Variants in SVIL observed in about 807,000 individuals in gnomAD.
SVIL encodes the protein supervillin, also known as archvillin.
A neutral mutation model predicts 240.4 loss-of-function variants in SVIL; 101 were observed. The ratio of observed to expected loss-of-function variants is 0.42; its 90% confidence interval spans 0.36 to 0.50. SVIL has a LOEUF of 0.50. Among genes scored for constraint, SVIL ranks in the 20% least tolerant of loss-of-function variants. The pLI is 0.01. For synonymous variants in SVIL, 999 were observed against 1,100.0 expected (o/e 0.91, Z 1.82); for missense variants, 2,512 against 2,818.7 (o/e 0.89, Z 2.46).
intron 3 of SVIL, among the ~76,000 whole-genome samples, chr10:29,648,878 C>T (rs537551473): frequency 6.6e-6 from 1 of 152,016 alleles, no homozygotes; most frequent in East Asian, 1.9e-4. Flanking sequence ...AGGCTCATGC[C>T]TATATTCCAA....
chr10:29,577,540 T>C (rs1955755412), intron 1 of SVIL, among the ~76,000 whole-genome samples: 5 of 152,262 alleles, frequency 3.3e-5, no homozygotes, highest in South Asian at 2.1e-4. Flanking sequence ...CTGAGAAGTA[T>C]TCCACAGTGT....
intron 16 of SVIL, among the ~76,000 whole-genome samples, chr10:29,516,542 C>T (rs61849345): frequency 0.072 from 10,936 of 152,234 alleles, 448 homozygotes; most frequent in South Asian, 0.11. Context: ...CTGAGAGGGT[C>T]GAGGAGCCGA....
intron 1 of SVIL, among the ~76,000 whole-genome samples, chr10:29,717,939 G>A (rs1006245995): frequency 9.2e-5 from 14 of 151,984 alleles, no homozygotes; most frequent in African/African-American, 3.4e-4. Flanking sequence ...TAAAATTTAA[G>A]AAAAAATGTC....
At chr10:29,718,650 A>C (rs1295555595) in intron 1 of SVIL, among the ~76,000 whole-genome samples, 2 of 151,842 alleles carry the variant, frequency 1.3e-5, no homozygotes, top group African/African-American at 2.4e-5. Context: ...CCAAGTACCA[A>C]ATAGGAGAGA....
intron 17 of SVIL, among the ~76,000 whole-genome samples, chr10:29,506,343 T>C (rs577692783): frequency 7.9e-5 from 12 of 152,172 alleles, no homozygotes; most frequent in African/African-American, 2.9e-4. Context: ...GGGCCTGGGC[T>C]CTTACAACCA....
chr10:29,564,828 C>T (rs1381095763), intron 2 of SVIL, among the ~76,000 whole-genome samples: 1 of 152,178 alleles, frequency 6.6e-6, no homozygotes, highest in Non-Finnish European at 1.5e-5. Context: ...TCCAGATTGG[C>T]TGGAAGAGCC....
At chr10:29,681,309 G>A (rs1960623701) in intron 2 of SVIL, among the ~76,000 whole-genome samples, 1 of 151,992 alleles carries the variant, frequency 6.6e-6, no homozygotes, top group Non-Finnish European at 1.5e-5. Flanking sequence ...TACACAGAAT[G>A]ACAGCCCAGG....
upstream of SVIL, among the ~76,000 whole-genome samples, chr10:29,636,518 C>T (rs74131917): frequency 0.012 from 1,832 of 152,320 alleles, 35 homozygotes; most frequent in African/African-American, 0.042. Context: ...TAGATTAATA[C>T]ACTGGAGTCT....
At chr10:29,471,777 G>A (rs1251519580) in intron 30 of SVIL, among the ~76,000 whole-genome samples, 1 of 152,206 alleles carries the variant, frequency 6.6e-6, no homozygotes, top group East Asian at 1.9e-4. Context: ...TTAGGTTTGA[G>A]TCACCTCCCT....
chr10:29,705,338 C>T (rs1962812515), intron 1 of SVIL, among the ~76,000 whole-genome samples: 1 of 152,016 alleles, frequency 6.6e-6, no homozygotes, highest in African/African-American at 2.4e-5. Flanking sequence ...CCTGACACGG[C>T]AAAGATTCTG....
At position 29,711,982 on chromosome 10, in the gene SVIL, C is replaced by T. The variant is rs542954078; in HGVS notation, c.-400+23769G>A. On this transcript the variant is annotated intron_variant, in intron 1 of 35. Transcript: ENST00000375400. The stretch of plus-strand genomic sequence containing the variant: ...ATGGCCCCTGCGCAAGGATGACATG[C>T]AAATTCATGACGTGTTCAATATTTT... The T allele has an allele frequency of 1.5e-4, 22 of 151,656 alleles. No homozygotes were observed. In the East Asian group the frequency reaches 4.1e-3, roughly 28 times the overall value. 9.4% of individuals were successfully genotyped at this position (151,656 alleles called of 1,614,324 possible). A position where few individuals can be genotyped will look rare whatever the true frequency, so the allele number is the denominator to read the frequency against.
chr10:29,538,490 G>C (rs893170833), intron 6 of SVIL, among the ~76,000 whole-genome samples: 2 of 152,232 alleles, frequency 1.3e-5, no homozygotes. Context: ...GGAAGTGATA[G>C]GCATTCAGGA....
At chr10:29,504,928 CT>C (rs1168421164) in intron 17 of SVIL, among the ~76,000 whole-genome samples, 4 of 152,222 alleles carry the variant, frequency 2.6e-5, no homozygotes, top group Non-Finnish European at 5.9e-5. Context: ...ATTGCCAAGA[CT>C]TGGAAGCAAC....
At chr10:29,505,270 G>A (rs1169400008) in intron 17 of SVIL, among the ~76,000 whole-genome samples, 3 of 152,078 alleles carry the variant, frequency 2.0e-5, no homozygotes, top group Admixed American at 6.5e-5. Context: ...AGGTTGCGGT[G>A]AGCTAAGATT....
chr10:29,481,558 G>A (rs770507677), intron 28 of SVIL, 26 bp downstream of exon 28: 8 of 1,612,346 alleles, frequency 5.0e-6, no homozygotes, highest in Non-Finnish European at 6.8e-6. Flanking sequence ...CAAGCCCCGA[G>A]TTTTGAGGCT....
chr10:29,495,134 C>T lies in SVIL; in HGVS notation c.3712G>A (p.Gly1238Ser), dbSNP rs376574263. 19 of 1,583,058 alleles carry T rather than the reference C, an allele frequency of 1.2e-5. No individual in the cohort carries two copies. In the East Asian group the frequency reaches 1.8e-4, roughly 15 times the overall value. ...AITPVASPIC[G>S]KTRGTTPVSK... Reference sequence around the variant, plus strand: ...ACGGGTGTGGTGCCTCTTGTTTTACCGCAAATGGGTGAGGCTACTGGGGTT... The same window carrying T: ...ACGGGTGTGGTGCCTCTTGTTTTACTGCAAATGGGTGAGGCTACTGGGGTT... Residue 1238 changes from glycine to serine, a missense_variant, in exon 19 of 38, where the codon GGT becomes AGT. By Grantham distance (56) the Gly-to-Ser change is moderately conservative. Coordinates refer to ENST00000355867, the MANE Select transcript of SVIL (RefSeq NM_021738.3).
intron 6 of SVIL, among the ~76,000 whole-genome samples, chr10:29,540,577 C>T (rs1952073799): frequency 1.3e-5 from 2 of 152,336 alleles, no homozygotes; most frequent in South Asian, 2.1e-4. Flanking sequence ...CCCCAGCATG[C>T]ACCTTCCTTC....
At chr10:29,675,125 A>T (rs1288104616) in intron 2 of SVIL, among the ~76,000 whole-genome samples, 1 of 152,180 alleles carries the variant, frequency 6.6e-6, no homozygotes, top group Admixed American at 6.5e-5. Flanking sequence ...CCTACCCCAC[A>T]TATTGCTAGA....
chr10:29,470,341 G>A lies in SVIL; in HGVS notation c.5778C>T (p.His1926=), dbSNP rs201300228. 31 of 1,614,198 alleles carry A rather than the reference G, an allele frequency of 1.9e-5. No individual in the cohort carries two copies. Among genetic ancestry groups the A allele is most frequent in the African/African-American group, 1.2e-4 (9 of 75,036 alleles). The change falls in exon 32 of 38, where the codon CAC becomes CAT. Residue 1926 remains histidine (H), a synonymous_variant. Coordinates refer to ENST00000355867, the MANE Select transcript of SVIL (RefSeq NM_021738.3). ...TCGTGTGGGCCTGGGCTTTGCATCC[G>A]TGCCACAGGTAGATGAGGGCCTTGT... ...NVNKALIYLW[H]GCKAQAHTKE... is the part of the protein sequence containing the mutation.
Sources: gnomAD v4.1 joint callset for allele counts (sites outside exome capture counted in the v4.1 genomes callset) on GRCh38, gnomAD v4.1.1 for gene constraint, MANE v1.5 for transcripts, NCBI Gene and HGNC (gene_info 2026-07-23, HGNC 2026-07-21) for gene names.